The following ABTB2 variants were observed in gnomAD, a reference collection of about 807,000 sequenced individuals.
ABTB2 encodes ankyrin repeat and BTB/POZ domain-containing protein 2.
A neutral mutation model predicts 104.1 loss-of-function variants in ABTB2; 56 were observed. That is an observed-to-expected ratio of 0.54 (90% CI 0.43 to 0.67). ABTB2 has a LOEUF of 0.67. ABTB2 is among the 30% of genes least tolerant of loss of function. ABTB2 has a pLI of 0.00. For synonymous variants in ABTB2, 606 were observed against 608.2 expected, an observed-to-expected ratio of 1.00 and a Z score of 0.05; for missense variants, 1,279 against 1,407.7, an observed-to-expected ratio of 0.91 and a Z score of 1.46.
intron 1 of ABTB2, among the ~76,000 whole-genome samples, chr11:34,289,486 A>C (rs1338747694): frequency 6.6e-6 from 1 of 152,230 alleles, no homozygotes; most frequent in African/African-American, 2.4e-5. Context: ...TCAAAGGTAG[A>C]AAATGAGGCT....
At chr11:34,227,631 T>C (rs1853704968) in intron 1 of ABTB2, among the ~76,000 whole-genome samples, 1 of 152,278 alleles carries the variant, frequency 6.6e-6, no homozygotes, top group Non-Finnish European at 1.5e-5. Flanking sequence ...CAAACAATGC[T>C]GCTAGTCATG....
intron 1 of ABTB2, chr11:34,335,237 A>G (rs981890835): frequency 2.5e-5 from 33 of 1,296,042 alleles, no homozygotes; most frequent in Non-Finnish European, 3.7e-5. Flanking sequence ...AAGGTCATCA[A>G]CAGAGAATCC....
chr11:34,245,823 A>C (rs1853976862), intron 1 of ABTB2, among the ~76,000 whole-genome samples: 1 of 152,220 alleles, frequency 6.6e-6, no homozygotes, highest in Non-Finnish European at 1.5e-5. Flanking sequence ...TGAAAAGCCC[A>C]TCTCACCAGC....
intron 1 of ABTB2, among the ~76,000 whole-genome samples, chr11:34,272,077 T>C (rs1027048719): frequency 1.3e-5 from 2 of 152,198 alleles, no homozygotes; most frequent in Non-Finnish European, 2.9e-5. Flanking sequence ...TTATTGATGG[T>C]ATCCAACTTA....
chr11:34,233,819 T>C (rs1853806472), intron 1 of ABTB2, among the ~76,000 whole-genome samples: 1 of 152,182 alleles, frequency 6.6e-6, no homozygotes, highest in Non-Finnish European at 1.5e-5. Flanking sequence ...TACAAATACA[T>C]GTACTAACCT....
chr11:34,180,484 A>G (rs1435948668), intron 3 of ABTB2, among the ~76,000 whole-genome samples: 1 of 152,260 alleles, frequency 6.6e-6, no homozygotes, highest in African/African-American at 2.4e-5. Flanking sequence ...ATACCGTCAT[A>G]TGCATACATG....
chr11:34,246,165 C>T (rs1853981049), intron 1 of ABTB2, among the ~76,000 whole-genome samples: 2 of 152,204 alleles, frequency 1.3e-5, no homozygotes, highest in South Asian at 4.1e-4. Context: ...GGAGACTCTT[C>T]TGCTGAACAA....
At position 34,290,110 on chromosome 11, in the gene ABTB2, C is replaced by A. The variant is rs1854550661; in HGVS notation, c.883+66591G>T. On this transcript the variant is annotated intron_variant, in intron 1 of 16. Coordinates refer to ENST00000435224, the MANE Select transcript of ABTB2 (RefSeq NM_145804.3). ...AATTGCAGCAAATCAGTTCTATTGGCCTTAGGATGGATTTTGGATGTGGAA... is the reference window on the plus strand; with the variant it reads ...AATTGCAGCAAATCAGTTCTATTGGACTTAGGATGGATTTTGGATGTGGAA... 2.6e-5 allele frequency among the ~76,000 whole-genome samples: 4 copies of A among 152,108 alleles called. 1 individual carries two copies. Among genetic ancestry groups the A allele is most frequent in the African/African-American group, 9.7e-5 (4 of 41,414 alleles).
chr11:34,174,554 GC>G (rs1420732957), intron 3 of ABTB2, among the ~76,000 whole-genome samples: 1 of 152,182 alleles, frequency 6.6e-6, no homozygotes, highest in Non-Finnish European at 1.5e-5. Flanking sequence ...TGCGGCTCAG[GC>G]CGCGCCCGCC....
chr11:34,245,274 C>A (rs1358032792), intron 1 of ABTB2, among the ~76,000 whole-genome samples: 10 of 152,188 alleles, frequency 6.6e-5, no homozygotes, highest in Admixed American at 6.5e-4. Context: ...ACACTGCCAC[C>A]CTGGCGAGAG....
At chr11:34,200,228 T>C (rs894783290) in intron 2 of ABTB2, among the ~76,000 whole-genome samples, 4 of 152,248 alleles carry the variant, frequency 2.6e-5, no homozygotes, top group Non-Finnish European at 4.4e-5. Context: ...AGAAACCTTG[T>C]TGAAATAACA....
chr11:34,206,349 C>T (rs1477260370), intron 1 of ABTB2, among the ~76,000 whole-genome samples: 1 of 152,128 alleles, frequency 6.6e-6, no homozygotes, highest in Non-Finnish European at 1.5e-5. Context: ...CGCCACTGTA[C>T]TCCAGCCTGG....
At chr11:34,173,075 T>C (rs894541953) in intron 4 of ABTB2, 80 bp downstream of exon 4, 6 of 1,574,918 alleles carry the variant, frequency 3.8e-6, no homozygotes, top group Non-Finnish European at 5.2e-6. Context: ...CGCCCAGCCA[T>C]CTGGGGAAGA....
intron 1 of ABTB2, among the ~76,000 whole-genome samples, chr11:34,237,299 T>TTTC (rs1445052113): frequency 6.9e-6 from 1 of 145,428 alleles, no homozygotes; most frequent in African/African-American, 2.7e-5. Context: ...TTTTTTTTTT[T>TTTC]AGACCGAGTC....
chr11:34,194,776 GTTTT>G (rs11303390), intron 3 of ABTB2, among the ~76,000 whole-genome samples: 14 of 146,044 alleles, frequency 9.6e-5, no homozygotes, highest in South Asian at 6.5e-4. Context: ...TAAAAATTTG[GTTTT>G]TTTTTTTTTT....
chr11:34,340,043 C>CCAAA lies in ABTB2; in HGVS notation c.883+16654_883+16657dup, dbSNP rs60959261. Among the ~76,000 whole-genome samples the CCAAA allele has an allele frequency of 7.3e-3, 1,099 of 149,540 alleles. 30 individuals carry two copies. The highest frequency in any genetic ancestry group is 3.9e-3 in the African/African-American group (159 of 40,424). ...GTATGCTTCTTAGCCCCACCATCCT[C>CCAAA]CAAACAAACAAACAAACAAACAAAA... On this transcript the variant is annotated intron_variant, in intron 1 of 16. Coordinates refer to ENST00000435224, the MANE Select transcript of ABTB2 (RefSeq NM_145804.3).
intron 1 of ABTB2, among the ~76,000 whole-genome samples, chr11:34,207,829 G>A (rs1002762938): frequency 6.6e-6 from 1 of 152,238 alleles, no homozygotes. Context: ...GCAGCGCCTA[G>A]GATATTGGAG....
chr11:34,185,998 T>TG (rs969237085), intron 3 of ABTB2, among the ~76,000 whole-genome samples: 1 of 152,232 alleles, frequency 6.6e-6, no homozygotes, highest in African/African-American at 2.4e-5. Flanking sequence ...CAAACCACCC[T>TG]GGGGGTCTTT....
intron 1 of ABTB2, among the ~76,000 whole-genome samples, chr11:34,272,743 T>TACACACTG (rs1455531449): frequency 1.6e-5 from 2 of 124,816 alleles, no homozygotes; most frequent in African/African-American, 3.6e-5. Context: ...CAACCAACCA[T>TACACACTG]ACACACTGGA....
Sources: allele counts gnomAD v4.1 joint callset (sites outside exome capture counted in the v4.1 genomes callset), GRCh38; gene constraint gnomAD v4.1.1; transcripts MANE v1.5; gene names NCBI Gene and HGNC (gene_info 2026-07-23, HGNC 2026-07-21).